Variants in SUN2 observed in about 807,000 individuals in gnomAD.
The protein encoded by SUN2 is SUN domain-containing protein 2.
Under a neutral mutation model 100.0 loss-of-function variants are expected in SUN2, and 60 were observed. The ratio of observed to expected loss-of-function variants is 0.60; its 90% CI spans 0.49 to 0.74. SUN2 has a LOEUF of 0.74. Among genes scored for constraint, SUN2 ranks in the 30% least tolerant of loss-of-function variants. The pLI, the probability that SUN2 is intolerant of heterozygous loss-of-function variation, is 0.00. For synonymous variants in SUN2, 367 were observed against 403.3 expected (o/e 0.91, Z 1.08); for missense variants, 834 against 954.6 (o/e 0.87, Z 1.66).
At position 38,736,208 on chromosome 22, in the gene SUN2, G is replaced by A; in HGVS notation, c.*59C>T. The A allele has an allele frequency of 6.7e-7, 1 of 1,493,076 alleles. No homozygotes were observed. Among genetic ancestry groups the A allele is most frequent in the Non-Finnish European group, 9.3e-7 (1 of 1,074,812 alleles). The allele number at this position is 1,493,076 out of a possible 1,614,324, so 92.5% of individuals were successfully genotyped here. On this transcript the variant is annotated 3_prime_UTR_variant, in exon 18 of 18. Transcript: ENST00000689035. Reference sequence around the variant, plus strand: ...AGCGCCGAGCAAGCGTGTGGGGGAAGCGGCGGGGTGCTGTTCACCCACTCC... The same window carrying A: ...AGCGCCGAGCAAGCGTGTGGGGGAAACGGCGGGGTGCTGTTCACCCACTCC...
chr22:38,737,386 C>T lies in SUN2; in HGVS notation c.2040+787G>A, dbSNP rs1569293458. On this transcript the variant is annotated intron_variant, in intron 17 of 17. Coordinates refer to ENST00000689035, the MANE Select transcript of SUN2 (RefSeq NM_015374.3). This position sits in a 1 kb window ranked among gnomAD's most constrained non-coding sequence, Gnocchi z 4.1. ...TCCCTGCTACGTCTTTGTCCTCACT[C>T]CCAACGCCCCTCTCCCCCACCTATC... 6.6e-6 allele frequency among the ~76,000 whole-genome samples: 1 copy of T among 152,140 alleles called. No individual in the cohort carries two copies. The highest frequency in any genetic ancestry group is 6.5e-5 in the Admixed American group (1 of 15,268).
intron 7 of SUN2, among the ~76,000 whole-genome samples, chr22:38,747,253 A>G (rs1603226888): frequency 6.7e-6 from 1 of 149,700 alleles, no homozygotes; most frequent in African/African-American, 2.5e-5. Flanking sequence ...AATCGCTTGA[A>G]CCCGGGAGGT....
rs780552225 is a variant in SUN2, at chr22:38,742,453, C to A, written c.916G>T (p.Glu306Ter). ...GCCCCTTGCCGCAGCTCCAGACGTT[C>A]CAGCCGCATGGCCTCCTTCTGCCAG... ...SNWQKEAMRL[E>*]RLELRQGAPG... Residue 306 changes from glutamate to a stop codon, truncating the protein, a stop_gained, in exon 9 of 18, where the codon GAA (glutamate) becomes TAA (stop). Transcript: ENST00000689035. LOFTEE classifies it high-confidence loss of function. The A allele has an allele frequency of 6.2e-7, 1 of 1,613,684 alleles. No homozygotes were observed. The highest frequency in any genetic ancestry group is 1.1e-5 in the South Asian group (1 of 91,086).
At position 38,738,284 on chromosome 22, in the gene SUN2, G is replaced by A; in HGVS notation, c.1948-19C>T. ...CAAACCCCTGCAAAGAGAGCGGAGGGAAGTGGGGAGGGGCTGGAGCAGGGA... is the reference window on the plus strand; with the variant it reads ...CAAACCCCTGCAAAGAGAGCGGAGGAAAGTGGGGAGGGGCTGGAGCAGGGA... On this transcript the variant is annotated intron_variant, in intron 16 of 17. Transcript: ENST00000689035. This position sits in a 1 kb window ranked among gnomAD's most constrained non-coding sequence, Gnocchi z 6.6. 6.2e-7 allele frequency: 1 copy of A among 1,606,312 alleles called. No homozygotes were observed. Among genetic ancestry groups the A allele is most frequent in the South Asian group, 1.1e-5 (1 of 90,828 alleles).
chr22:38,743,635 C>T (rs990823636), intron 8 of SUN2: 2 of 150,550 alleles, frequency 1.3e-5, no homozygotes, highest in African/African-American at 4.9e-5. Context: ...AAAAAATCCT[C>T]TGCCCCATCA....
intron 5 of SUN2, 42 bp from the exon 6 acceptor site, chr22:38,749,901 T>A: frequency 6.4e-7 from 1 of 1,572,072 alleles, no homozygotes; most frequent in Non-Finnish European, 8.7e-7. Context: ...ATATGGTGTT[T>A]GGGGGCACCG....
rs1401179568 is a variant in SUN2, at chr22:38,754,625, G to A, written c.-38+1138C>T. 2.7e-5 allele frequency: 19 copies of A among 714,138 alleles called. No individual in the cohort carries two copies. In the Admixed American group the frequency reaches 5.1e-4, roughly 19 times the overall value. The allele number at this position is 714,138 out of a possible 1,614,324, so 44.2% of individuals were successfully genotyped here. ...ATCTCCCCTCCCCCCTCCCTGCCCC[G>A]CCCGTACGGTCCCTACCTGAAGGCT... On this transcript the variant is annotated intron_variant, in intron 1 of 17. Coordinates refer to ENST00000689035, the MANE Select transcript of SUN2 (RefSeq NM_015374.3).
Position 38,739,062 on chromosome 22 carries a change from T to C in SUN2, c.1664-74A>G, listed in dbSNP as rs1231055465. 2 of 1,425,998 alleles carry C rather than the reference T, an allele frequency of 1.4e-6. No individual in the cohort carries two copies. Among genetic ancestry groups the C allele is most frequent in the Non-Finnish European group, 1.9e-6 (2 of 1,033,294 alleles). The allele number at this position is 1,425,998 out of a possible 1,614,324, so 88.3% of individuals were successfully genotyped here. On this transcript the variant is annotated intron_variant, in intron 14 of 17. Coordinates refer to ENST00000689035, the MANE Select transcript of SUN2 (RefSeq NM_015374.3). The surrounding 1 kb of genome is among the most constrained non-coding windows in gnomAD (Gnocchi z 6.7). ...CCCGCTCAGGCCATTGGCTGTCTCC[T>C]CGCTGAAGGTGGACGGCAGATGCCC...
At position 38,745,693 on chromosome 22, in the gene SUN2, T is replaced by C; in HGVS notation, c.804A>G (p.Pro268=). ...ACCCTCAGAGACTCACCTGGAAATG[T>C]GGCGATGAGTCTCTGGCTTCCCAGC... ...DEGWEARDSS[P]HFQAEQRVMS... is the part of the protein sequence containing the mutation. The change falls in exon 8 of 18, where the codon CCA becomes CCG. Residue 268 remains proline (P), a synonymous_variant. Coordinates refer to ENST00000689035, the MANE Select transcript of SUN2 (RefSeq NM_015374.3). 1.2e-6 allele frequency: 2 copies of C among 1,613,696 alleles called. No homozygotes were observed. Among genetic ancestry groups the C allele is most frequent in the Non-Finnish European group, 1.7e-6 (2 of 1,180,016 alleles).
intron 1 of SUN2, 130 bp from the exon 2 acceptor site, chr22:38,752,795 C>T (rs1473919686): frequency 2.5e-5 from 27 of 1,064,310 alleles, no homozygotes; most frequent in East Asian, 2.4e-4. Flanking sequence ...CGGCCCCCGG[C>T]GTTCAGTCTA....
chr22:38,736,091 C>T lies in SUN2; in HGVS notation c.*176G>A, dbSNP rs2092802134. 2.9e-6 allele frequency: 2 copies of T among 689,508 alleles called. No homozygotes were observed. The highest frequency in any genetic ancestry group is 2.4e-4 in the Middle Eastern group (1 of 4,200). 42.7% of individuals were successfully genotyped at this position (689,508 alleles called of 1,614,324 possible). A position where few individuals can be genotyped will look rare whatever the true frequency, so the allele number is the denominator to read the frequency against. Reference sequence around the variant, plus strand: ...GAAGGGAGCTGCTGGAGCCTGCTAACCGCCTCGAGCCACCTGCTGCTCAGG... The same window carrying T: ...GAAGGGAGCTGCTGGAGCCTGCTAATCGCCTCGAGCCACCTGCTGCTCAGG... On this transcript the variant is annotated 3_prime_UTR_variant, in exon 18 of 18. Transcript: ENST00000689035.
intron 2 of SUN2, 155 bp from the exon 3 acceptor site, chr22:38,751,528 A>C: frequency 1.4e-6 from 1 of 707,486 alleles, no homozygotes; most frequent in Non-Finnish European, 2.3e-6. Flanking sequence ...GACTCTCCCA[A>C]TGCTGGCACG....
chr22:38,750,996 C>T lies in SUN2; in HGVS notation c.326G>A (p.Gly109Asp). ...CCCGCTGGCCCTGCTGCTCTCTGAG[C>T]CACCCGTGCCTCTCCTCCTCCGCAC... The part of the protein sequence containing the change: ...LRVRRRRGTG[G>D]SESSRASGLV... The change falls in exon 4 of 18, where the codon GGC becomes GAC. Residue 109 changes from glycine (G) to aspartate (D), a missense_variant. Physicochemically the swap from Gly to Asp is moderately conservative, Grantham distance 94. Around this residue, in one of 3 missense-constraint regions of SUN2, gnomAD observed 559 missense variants for 597.7 expected, o/e 0.94. Coordinates refer to ENST00000689035, the MANE Select transcript of SUN2 (RefSeq NM_015374.3). The T allele has an allele frequency of 6.2e-7, 1 of 1,613,714 alleles. No individual in the cohort carries two copies. The highest frequency in any genetic ancestry group is 8.5e-7 in the Non-Finnish European group (1 of 1,179,934).
rs1365256167 is a variant in SUN2, at chr22:38,742,339, T to G, written c.1030A>C (p.Lys344Gln). ...GCAGTTTCCCTGCGGAAATCCTCCT[T>G]CAGGGCAGCTTCACGGCGGCTCACT... is the stretch of plus-strand genomic sequence containing the variant. ...GLVSRREAALKEDFRRETAAR... is the reference protein window; with the variant it reads ...GLVSRREAALQEDFRRETAAR... Residue 344 changes from lysine (K) to glutamine (Q), a missense_variant, in exon 9 of 18, where the codon AAG (lysine) becomes CAG (glutamine). Coordinates refer to ENST00000689035, the MANE Select transcript of SUN2 (RefSeq NM_015374.3). 11 of 1,609,084 alleles carry G rather than the reference T, an allele frequency of 6.8e-6. No individual in the cohort carries two copies. Among genetic ancestry groups the G allele is most frequent in the Non-Finnish European group, 8.5e-6 (10 of 1,176,386 alleles).
intron 8 of SUN2, chr22:38,742,832 CCG>C: frequency 7.4e-6 from 3 of 406,228 alleles, no homozygotes; most frequent in Non-Finnish European, 1.3e-5. Context: ...GGAAGGTGGG[CCG>C]GGGAGAAGGT....
Position 38,739,288 on chromosome 22 carries a change from A to C in SUN2, c.1663+54T>G. ...CCACCAACCTGGTAGATGCCAGGGG[A>C]CCGGCCATTGCGGGGTCCAGGACAA... On this transcript the variant is annotated intron_variant, in intron 14 of 17. Coordinates refer to ENST00000689035, the MANE Select transcript of SUN2 (RefSeq NM_015374.3). The surrounding 1 kb of genome is among the most constrained non-coding windows in gnomAD (Gnocchi z 6.7). 1 of 1,576,964 alleles carries C rather than the reference A, an allele frequency of 6.3e-7. No individual in the cohort carries two copies. The highest frequency in any genetic ancestry group is 8.7e-7 in the Non-Finnish European group (1 of 1,147,392).
At position 38,737,383 on chromosome 22, in the gene SUN2, A is replaced by C; in HGVS notation, c.2040+790T>G. Among the ~76,000 whole-genome samples the C allele has an allele frequency of 1.3e-5, 2 of 150,418 alleles. No homozygotes were observed. Among genetic ancestry groups the C allele is most frequent in the African/African-American group, 4.9e-5 (2 of 40,782 alleles). ...CCCTCCCTGCTACGTCTTTGTCCTC[A>C]CTCCCAACGCCCCTCTCCCCCACCT... On this transcript the variant is annotated intron_variant, in intron 17 of 17. Transcript: ENST00000689035. The surrounding 1 kb of genome is among the most constrained non-coding windows in gnomAD (Gnocchi z 4.1).
chr22:38,738,257 G>C lies in SUN2; in HGVS notation c.1956C>G (p.Asp652Glu). The stretch of plus-strand genomic sequence containing the variant: ...GTGTCCCCTCCTGCTGCAGGTCTTC[G>C]TCAAACCCCTGCAAAGAGAGCGGAG... ...APKDFAIFGFDEDLQQEGTLL... is the reference protein window; with the variant it reads ...APKDFAIFGFEEDLQQEGTLL... The change falls in exon 17 of 18, where the codon GAC becomes GAG. Residue 652 changes from aspartate to glutamate, a missense_variant. Asp to Glu is a conservative substitution (Grantham distance 45). This residue lies in a region of SUN2 where 195 missense variants were observed against 280.2 expected (regional missense o/e 0.70). Coordinates refer to ENST00000689035, the MANE Select transcript of SUN2 (RefSeq NM_015374.3). This position sits in a 1 kb window ranked among gnomAD's most constrained non-coding sequence, Gnocchi z 6.6. 1 of 1,613,678 alleles carries C rather than the reference G, an allele frequency of 6.2e-7. No individual in the cohort carries two copies. The highest frequency in any genetic ancestry group is 8.5e-7 in the Non-Finnish European group (1 of 1,179,876).
At chr22:38,750,874 C>A (rs2092939758) in intron 4 of SUN2, 24 bp downstream of exon 4, 1 of 1,613,640 alleles carries the variant, frequency 6.2e-7, no homozygotes, top group African/African-American at 1.3e-5. Flanking sequence ...CGGATCTGCT[C>A]AGGAGGGAGG....
Sources: allele counts gnomAD v4.1 joint callset (sites outside exome capture counted in the v4.1 genomes callset), GRCh38; gene constraint gnomAD v4.1.1; regional missense constraint gnomAD v4.1.1; non-coding constraint Gnocchi (gnomAD v3.1); transcripts MANE v1.5; gene names NCBI Gene and HGNC (gene_info 2026-07-23, HGNC 2026-07-21).